Variants in ACTR2 observed in about 807,000 individuals in gnomAD.
The protein encoded by ACTR2 is actin related protein 2.
Under a neutral mutation model 50.2 loss-of-function variants are expected in ACTR2, and 5 were observed. The observed-to-expected ratio is 0.10, with a 90% CI of 0.05 to 0.21. The LOEUF (loss-of-function observed/expected upper bound fraction) is 0.21, where lower values mean the gene tolerates loss of function less well. Among genes scored for constraint, ACTR2 ranks in the 10% least tolerant of loss-of-function variants. The probability of loss-of-function intolerance (pLI) is 1.00; values close to 1 mark genes in which losing one functional copy is unlikely to be tolerated. For synonymous variants in ACTR2, 140 were observed against 162.9 expected (o/e 0.86, Z 1.07); for missense variants, 180 against 480.6 (o/e 0.37, Z 5.85).
At chr2:65,262,110 C>A (rs1672279284) in intron 7 of ACTR2, among the ~76,000 whole-genome samples, 1 of 152,138 alleles carries the variant, frequency 6.6e-6, no homozygotes, top group African/African-American at 2.4e-5. Flanking sequence ...GATTTGAGTT[C>A]CTTACATATT....
At position 65,234,965 on chromosome 2, in the gene ACTR2, TATTTA is replaced by T. The variant is rs143293019; in HGVS notation, c.49-4883_49-4879del. Among the ~76,000 whole-genome samples, 1,059 of 152,338 alleles carry T rather than the reference TATTTA, an allele frequency of 7.0e-3. 23 individuals carry two copies. The highest frequency in any genetic ancestry group is 0.046 in the Admixed American group (704 of 15,292). On this transcript the variant is annotated intron_variant, in intron 1 of 8. Transcript: ENST00000260641. Reference sequence around the variant, plus strand: ...GCATAATAATTTAATATCAAAATAGTATTTAATTCCCATATTTGAGATATTTGTGT... The same window carrying T: ...GCATAATAATTTAATATCAAAATAGTATTCCCATATTTGAGATATTTGTGT...
At chr2:65,242,662 A>G (rs771836557) in intron 2 of ACTR2, 2 of 511,386 alleles carry the variant, frequency 3.9e-6, no homozygotes, top group Admixed American at 2.0e-5. Flanking sequence ...AAGCTTTTCT[A>G]TAAACAACAG....
chr2:65,257,825 G>A (rs973761777), intron 6 of ACTR2, among the ~76,000 whole-genome samples: 1 of 152,174 alleles, frequency 6.6e-6, no homozygotes, highest in Non-Finnish European at 1.5e-5. Flanking sequence ...TAAGTTCCTT[G>A]TAGATTCTGG....
intron 2 of ACTR2, chr2:65,242,742 A>G (rs1204707479): frequency 1.2e-5 from 5 of 420,818 alleles, no homozygotes; most frequent in Non-Finnish European, 2.4e-5. Flanking sequence ...TATCTCAGAC[A>G]TTTAACTCTT....
At chr2:65,265,297 A>G (rs1558630147) in intron 8 of ACTR2, 122 bp downstream of exon 8, 5 of 1,061,684 alleles carry the variant, frequency 4.7e-6, no homozygotes, top group East Asian at 2.4e-5. Context: ...ACTGCAGTCA[A>G]GTGCATCCTG....
At chr2:65,264,366 A>C (rs781363599) in intron 7 of ACTR2, among the ~76,000 whole-genome samples, 2 of 152,234 alleles carry the variant, frequency 1.3e-5, no homozygotes, top group Non-Finnish European at 2.9e-5. Flanking sequence ...AGCCAGGTTG[A>C]AAAAGGCCAA....
intron 2 of ACTR2, among the ~76,000 whole-genome samples, chr2:65,241,637 A>C (rs1671842076): frequency 6.6e-6 from 1 of 152,168 alleles, no homozygotes; most frequent in Admixed American, 6.5e-5. Context: ...TTGGAAAAAC[A>C]ACCCTGAGCT....
chr2:65,261,458 T>C (rs1385072094), intron 7 of ACTR2, 66 bp downstream of exon 7: 2 of 1,424,944 alleles, frequency 1.4e-6, no homozygotes, highest in Non-Finnish European at 1.9e-6. Context: ...TTTAAAGTTA[T>C]TTATCAGAAA....
intron 2 of ACTR2, among the ~76,000 whole-genome samples, chr2:65,242,986 A>G (rs1671870234): frequency 1.3e-5 from 2 of 152,234 alleles, no homozygotes; most frequent in African/African-American, 4.8e-5. Context: ...TGAGATTAAG[A>G]AAAGGGTGTG....
intron 1 of ACTR2, among the ~76,000 whole-genome samples, chr2:65,233,438 T>C (rs1466528903): frequency 6.6e-6 from 1 of 151,894 alleles, no homozygotes; most frequent in Non-Finnish European, 1.5e-5. Context: ...GAGGATTGCT[T>C]GAGGCTGGGA....
At chr2:65,256,832 A>C (rs1347541339) in intron 6 of ACTR2, among the ~76,000 whole-genome samples, 2 of 150,130 alleles carry the variant, frequency 1.3e-5, no homozygotes, top group Non-Finnish European at 3.0e-5. Flanking sequence ...AGATCGTGCC[A>C]CTGCACTCCA....
At chr2:65,237,023 TAAGTC>T (rs1308197567) in intron 1 of ACTR2, among the ~76,000 whole-genome samples, 2 of 152,214 alleles carry the variant, frequency 1.3e-5, no homozygotes, top group Non-Finnish European at 2.9e-5. Flanking sequence ...ATCATACTGT[TAAGTC>T]AACAGCAAAA....
At chr2:65,266,959 G>C (rs746799796) in intron 8 of ACTR2, among the ~76,000 whole-genome samples, 1 of 152,206 alleles carries the variant, frequency 6.6e-6, no homozygotes, top group Non-Finnish European at 1.5e-5. Context: ...GATAGAATGA[G>C]TTTCAGTGGG....
intron 2 of ACTR2, among the ~76,000 whole-genome samples, chr2:65,245,035 T>G (rs886423026): frequency 6.6e-5 from 10 of 152,142 alleles, no homozygotes; most frequent in African/African-American, 2.2e-4. Context: ...CATAAGAAAT[T>G]GCAACAAATT....
chr2:65,237,365 C>G lies in ACTR2; in HGVS notation c.49-2487C>G, dbSNP rs573678994. Among the ~76,000 whole-genome samples the G allele has an allele frequency of 1.3e-4, 20 of 152,250 alleles. No individual in the cohort carries two copies. In the South Asian group the frequency reaches 3.9e-3, roughly 30 times the overall value. ...CCTCCCACCTCAGTCTCTGGAATAG[C>G]TGGGACTATAGCACATGCCACAATG... On this transcript the variant is annotated intron_variant, in intron 1 of 8. Transcript: ENST00000260641.
intron 1 of ACTR2, among the ~76,000 whole-genome samples, chr2:65,232,410 C>T (rs58966657): frequency 1.7e-3 from 266 of 152,278 alleles, no homozygotes; most frequent in African/African-American, 6.0e-3. Context: ...CCTGCTTTAT[C>T]GGGCTTATGC....
At chr2:65,255,197 G>T (rs1437177027) in intron 5 of ACTR2, among the ~76,000 whole-genome samples, 1 of 152,132 alleles carries the variant, frequency 6.6e-6, no homozygotes, top group Admixed American at 6.5e-5. Flanking sequence ...TGAGCAAACT[G>T]CAGGCTACAG....
At chr2:65,256,637 C>T (rs545913285) in intron 6 of ACTR2, among the ~76,000 whole-genome samples, 7 of 152,178 alleles carry the variant, frequency 4.6e-5, no homozygotes, top group Middle Eastern at 3.4e-3. Flanking sequence ...TTTGGGAGGC[C>T]GAGGCAGGCG....
At chr2:65,231,822 A>G (rs1037700345) in intron 1 of ACTR2, among the ~76,000 whole-genome samples, 2 of 152,218 alleles carry the variant, frequency 1.3e-5, no homozygotes, top group South Asian at 2.1e-4. Flanking sequence ...TGGGCCACAC[A>G]TGAAATACAC....
Sources: allele counts gnomAD v4.1 joint callset (sites outside exome capture counted in the v4.1 genomes callset), GRCh38; gene constraint gnomAD v4.1.1; transcripts MANE v1.5; gene names NCBI Gene and HGNC (gene_info 2026-07-23, HGNC 2026-07-21).